Variants in ZNF385D observed in about 807,000 individuals in gnomAD.
ZNF385D encodes zinc finger protein 385D.
In ZNF385D, 15 loss-of-function variants were observed where a neutral mutation model predicts 35.8. The ratio of observed to expected loss-of-function variants is 0.42; its 90% confidence interval spans 0.28 to 0.64. The LOEUF (loss-of-function observed/expected upper bound fraction) is 0.64, where lower values mean the gene tolerates loss of function less well. Among genes scored for constraint, ZNF385D ranks in the 30% least tolerant of loss-of-function variants. The pLI, the probability that ZNF385D is intolerant of heterozygous loss-of-function variation, is 0.23. For missense variants in ZNF385D, 474 were observed against 494.6 expected (o/e 0.96, Z 0.39); for synonymous variants, 212 against 186.8 (o/e 1.13, Z -1.10).
rs2062123540 is a variant in ZNF385D at position 21,539,592 on chromosome 3, ATTG to A, written c.276+24979_276+24981del. Among the ~76,000 whole-genome samples the A allele has an allele frequency of 6.6e-6, 1 of 152,134 alleles. No individual in the cohort carries two copies. Among genetic ancestry groups the A allele is most frequent in the Admixed American group, 6.5e-5 (1 of 15,272 alleles). ...AAATGTTAAAATGATTCTCTAAATT[ATTG>A]TTTCAGATTTTATAAAGTGATAAAA... On this transcript the variant is annotated intron_variant, in intron 3 of 7. Coordinates refer to ENST00000281523, the MANE Select transcript of ZNF385D (RefSeq NM_024697.3). The surrounding 1 kb of genome is among the most constrained non-coding windows in gnomAD (Gnocchi z 4.0).
At chr3:21,980,287 A>C (rs1397499910) in intron 3 of ZNF385D, among the ~76,000 whole-genome samples, 3 of 152,154 alleles carry the variant, frequency 2.0e-5, no homozygotes, top group Non-Finnish European at 4.4e-5. Context: ...TAACTTCACA[A>C]GAAACCGTGA....
At chr3:21,598,068 A>G (rs952832355) in intron 2 of ZNF385D, among the ~76,000 whole-genome samples, 10 of 152,206 alleles carry the variant, frequency 6.6e-5, no homozygotes, top group African/African-American at 1.2e-4. Flanking sequence ...TAGAATACCT[A>G]TAGCAAACAC....
chr3:21,481,286 A>C (rs188597627), intron 4 of ZNF385D, among the ~76,000 whole-genome samples: 1 of 152,206 alleles, frequency 6.6e-6, no homozygotes, highest in African/African-American at 2.4e-5. Flanking sequence ...TCCAATTCTT[A>C]ATACATAAAT....
rs1037790849 is a variant in ZNF385D at position 21,874,323 on chromosome 3, C to G, written c.326-209295G>C. On this transcript the variant is annotated intron_variant, in intron 3 of 5. Coordinates refer to the ZNF385D transcript ENST00000494108. ...CTTTGGAAAAATGTTTAATCAAATC[C>G]TTTGCCCATTTCTTAACCAGGTTAT... 4.6e-5 allele frequency among the ~76,000 whole-genome samples: 7 copies of G among 151,952 alleles called. 1 individual carries two copies. Among genetic ancestry groups the G allele is most frequent in the Admixed American group, 2.6e-4 (4 of 15,218 alleles).
intron 3 of ZNF385D, among the ~76,000 whole-genome samples, chr3:21,852,147 T>A (rs532999995): frequency 6.6e-6 from 1 of 152,046 alleles, no homozygotes; most frequent in South Asian, 2.1e-4. Context: ...GAGCATCGGG[T>A]TTTTAGTTTT....
intron 3 of ZNF385D, among the ~76,000 whole-genome samples, chr3:21,780,578 C>T (rs2071451613): frequency 6.6e-6 from 1 of 151,968 alleles, no homozygotes; most frequent in African/African-American, 2.4e-5. Flanking sequence ...TTTTTCCTTT[C>T]TCTTAGAACA....
intron 4 of ZNF385D, among the ~76,000 whole-genome samples, chr3:21,464,970 T>A (rs1010967714): frequency 6.6e-6 from 1 of 152,266 alleles, no homozygotes; most frequent in Admixed American, 6.5e-5. Flanking sequence ...GAGACCATCA[T>A]GTGACCCCAC....
rs577381940 is a variant in ZNF385D, at chr3:22,110,549, A to C, written c.325+58268T>G. 2.6e-4 allele frequency among the ~76,000 whole-genome samples: 39 copies of C among 152,114 alleles called. No homozygotes were observed. The East Asian group carries it at 7.4e-3, about 29-fold the overall frequency. On this transcript the variant is annotated intron_variant, in intron 3 of 5. Coordinates refer to the ZNF385D transcript ENST00000494108. The stretch of plus-strand genomic sequence containing the variant: ...AAACTATCACAAGGACAAAAAACCA[A>C]ACACCGCATGTTCTCACTCATAGAT...
At chr3:21,828,854 C>T (rs1342889497) in intron 3 of ZNF385D, among the ~76,000 whole-genome samples, 1 of 152,166 alleles carries the variant, frequency 6.6e-6, no homozygotes, top group African/African-American at 2.4e-5. Flanking sequence ...ATCTATAGAC[C>T]ACCTCTGGTC....
intron 3 of ZNF385D, chr3:22,134,384 T>C (rs996142791): frequency 3.9e-5 from 6 of 151,914 alleles, no homozygotes; most frequent in Non-Finnish European, 5.9e-5. Context: ...GAAGCAAAAA[T>C]GGCAAAACTG....
intron 2 of ZNF385D, among the ~76,000 whole-genome samples, chr3:22,269,137 T>C (rs1001274610): frequency 1.3e-5 from 2 of 151,968 alleles, no homozygotes; most frequent in African/African-American, 4.8e-5. Context: ...TATATCTGTA[T>C]GCATAACATC....
intron 2 of ZNF385D, among the ~76,000 whole-genome samples, chr3:22,248,948 G>C (rs961320725): frequency 6.6e-6 from 1 of 152,132 alleles, no homozygotes; most frequent in Non-Finnish European, 1.5e-5. Flanking sequence ...ATCATGCTGA[G>C]AAAGCCCATA....
chr3:21,842,459 T>G (rs1195378834), intron 3 of ZNF385D, among the ~76,000 whole-genome samples: 1 of 151,950 alleles, frequency 6.6e-6, no homozygotes, highest in East Asian at 1.9e-4. Context: ...GACTCATATG[T>G]GAAAGGCCAG....
chr3:22,122,039 G>C (rs959755525), intron 3 of ZNF385D, among the ~76,000 whole-genome samples: 2 of 152,124 alleles, frequency 1.3e-5, no homozygotes, highest in Admixed American at 1.3e-4. Flanking sequence ...CCAAGGTCAG[G>C]TGGACTGATA....
intron 3 of ZNF385D, among the ~76,000 whole-genome samples, chr3:22,069,302 G>T (rs915595611): frequency 6.6e-6 from 1 of 152,098 alleles, no homozygotes; most frequent in Non-Finnish European, 1.5e-5. Context: ...CACCACAAGA[G>T]ATCTCTCACC....
intron 1 of ZNF385D, among the ~76,000 whole-genome samples, chr3:21,709,662 C>A (rs546105378): frequency 6.6e-6 from 1 of 152,066 alleles, no homozygotes; most frequent in Admixed American, 6.5e-5. Context: ...CTAGTTTTAG[C>A]AGAAGAAAAG....
intron 2 of ZNF385D, among the ~76,000 whole-genome samples, chr3:22,367,375 T>C (rs912255469): frequency 6.6e-6 from 1 of 152,172 alleles, no homozygotes; most frequent in African/African-American, 2.4e-5. Context: ...TGCTACACTA[T>C]GCTAAATAAC....
At chr3:21,597,377 T>G (rs930906624) in intron 2 of ZNF385D, among the ~76,000 whole-genome samples, 9 of 150,318 alleles carry the variant, frequency 6.0e-5, no homozygotes, top group South Asian at 2.1e-4. Context: ...AAAAGAAAAA[T>G]AAAAGAATGC....
intron 2 of ZNF385D, among the ~76,000 whole-genome samples, chr3:22,178,287 T>C (rs1323657746): frequency 2.0e-5 from 3 of 152,240 alleles, no homozygotes; most frequent in African/African-American, 4.8e-5. Flanking sequence ...CTAACTGGTG[T>C]GAGATGGCAT....
Sources: allele counts gnomAD v4.1 joint callset (sites outside exome capture counted in the v4.1 genomes callset), GRCh38; gene constraint gnomAD v4.1.1; non-coding constraint Gnocchi (gnomAD v3.1); transcripts MANE v1.5; gene names NCBI Gene and HGNC (gene_info 2026-07-23, HGNC 2026-07-21).